Variants in KATNAL1 observed in about 807,000 individuals in gnomAD.
KATNAL1 encodes katanin catalytic subunit A1 like 1, also known as katanin p60 ATPase-containing subunit A-like 1.
In KATNAL1, 32 loss-of-function variants were observed where a neutral mutation model predicts 55.2. The observed-to-expected ratio is 0.58, with a 90% CI of 0.44 to 0.78. The LOEUF (loss-of-function observed/expected upper bound fraction) is 0.78. Ranked by LOEUF, KATNAL1 falls within the 30% of genes least tolerant of loss-of-function variation. The pLI is 0.00. For synonymous variants in KATNAL1, 193 were observed against 193.6 expected (o/e 1.00, Z 0.02); for missense variants, 466 against 600.9 (o/e 0.78, Z 2.35).
chr13:30,275,385 G>T (rs1880766334), intron 3 of KATNAL1, among the ~76,000 whole-genome samples: 1 of 152,186 alleles, frequency 6.6e-6, no homozygotes, highest in Non-Finnish European at 1.5e-5. Context: ...CATTCATGAG[G>T]AATCTGTCCC....
chr13:30,269,427 C>A (rs888349235), intron 3 of KATNAL1, among the ~76,000 whole-genome samples: 1 of 152,226 alleles, frequency 6.6e-6, no homozygotes, highest in Non-Finnish European at 1.5e-5. Context: ...GATCTCGGCT[C>A]GCTACAACCT....
chr13:30,209,029 T>C (rs1303503697), intron 10 of KATNAL1, among the ~76,000 whole-genome samples: 1 of 152,192 alleles, frequency 6.6e-6, no homozygotes, highest in Non-Finnish European at 1.5e-5. Flanking sequence ...CCAAGAAGTT[T>C]AGGAAACTGA....
intron 6 of KATNAL1, among the ~76,000 whole-genome samples, chr13:30,235,506 T>C (rs746007858): frequency 6.6e-6 from 1 of 152,176 alleles, no homozygotes; most frequent in Non-Finnish European, 1.5e-5. Context: ...CACTACCACA[T>C]CAAGAATCAA....
chr13:30,281,631 T>C (rs1283221544), intron 2 of KATNAL1: 1 of 152,188 alleles, frequency 6.6e-6, no homozygotes, highest in African/African-American at 2.4e-5. Flanking sequence ...TAGGAAAACA[T>C]CAATTTCTGA....
chr13:30,261,107 T>G (rs1238906272), intron 3 of KATNAL1, among the ~76,000 whole-genome samples: 1 of 151,974 alleles, frequency 6.6e-6, no homozygotes, highest in Non-Finnish European at 1.5e-5. Context: ...GAATTTCATA[T>G]CCAGCCAAAC....
intron 3 of KATNAL1, among the ~76,000 whole-genome samples, chr13:30,260,504 C>T (rs1331110926): frequency 6.6e-6 from 1 of 152,104 alleles, no homozygotes; most frequent in Non-Finnish European, 1.5e-5. Flanking sequence ...ACTAGAATAA[C>T]CAACACAGAG....
At chr13:30,251,883 T>C (rs978611107) in intron 4 of KATNAL1, among the ~76,000 whole-genome samples, 1 of 152,054 alleles carries the variant, frequency 6.6e-6, no homozygotes, top group East Asian at 1.9e-4. Flanking sequence ...GGGGGGAAAA[T>C]GATAAAGCCT....
At position 30,291,681 on chromosome 13, in the gene KATNAL1, G is replaced by C. The variant is rs1429212222; in HGVS notation, c.-14-7890C>G. On this transcript the variant is annotated intron_variant, in intron 1 of 10. Coordinates refer to ENST00000380615, the MANE Select transcript of KATNAL1 (RefSeq NM_032116.5). ...AGGTGGGGTACTTCTAAGGGGTTGA[G>C]GGGAAAAATGCCTGTTGGGGGTGGA... 2.6e-5 allele frequency among the ~76,000 whole-genome samples: 4 copies of C among 152,274 alleles called. No individual in the cohort carries two copies. The South Asian group carries it at 8.3e-4, about 32-fold the overall frequency.
chr13:30,302,675 A>T (rs1011857692), intron 1 of KATNAL1, among the ~76,000 whole-genome samples: 18 of 152,208 alleles, frequency 1.2e-4, no homozygotes, highest in African/African-American at 4.3e-4. Flanking sequence ...AATAAAATAC[A>T]TTGTTTTTTG....
chr13:30,240,306 A>G (rs1308353515), intron 6 of KATNAL1, among the ~76,000 whole-genome samples, 154 bp downstream of exon 6: 1 of 152,252 alleles, frequency 6.6e-6, no homozygotes, highest in Non-Finnish European at 1.5e-5. Flanking sequence ...AACACATCAC[A>G]ACTACAAATT....
At chr13:30,223,251 A>G (rs576674441) in intron 9 of KATNAL1, among the ~76,000 whole-genome samples, 2 of 151,916 alleles carry the variant, frequency 1.3e-5, no homozygotes, top group Admixed American at 6.5e-5. Flanking sequence ...CATCCTGGCT[A>G]ACACGGTGAA....
At chr13:30,221,891 A>G (rs1047606926) in intron 9 of KATNAL1, among the ~76,000 whole-genome samples, 10 of 152,254 alleles carry the variant, frequency 6.6e-5, no homozygotes, top group Admixed American at 2.0e-4. Context: ...GTCTCTATTA[A>G]AAGTATAAAA....
At position 30,255,563 on chromosome 13, in the gene KATNAL1, C is replaced by G; in HGVS notation, c.376G>C (p.Glu126Gln). The change falls in exon 4 of 11, where the codon GAA (glutamate) becomes CAA (glutamine). Residue 126 changes from glutamate to glutamine, a missense_variant. By Grantham distance (29) the Glu-to-Gln change is conservative (BLOSUM62 2). Transcript: ENST00000380615. Reference protein sequence around the residue: ...PNREVRPLRKEMAGVGARGPV... With the variant: ...PNREVRPLRKQMAGVGARGPV... Reference sequence around the variant, plus strand: ...CCCCGGGCTCCTACTCCTGCCATTTCTTTCCTCAGAGGTCTTACTTCTCGA... The same window carrying G: ...CCCCGGGCTCCTACTCCTGCCATTTGTTTCCTCAGAGGTCTTACTTCTCGA... 1 of 1,579,088 alleles carries G rather than the reference C, an allele frequency of 6.3e-7. No individual in the cohort carries two copies. Among genetic ancestry groups the G allele is most frequent in the Non-Finnish European group, 8.6e-7 (1 of 1,164,354 alleles).
chr13:30,272,484 G>A (rs1880456205), intron 3 of KATNAL1, among the ~76,000 whole-genome samples: 1 of 152,120 alleles, frequency 6.6e-6, no homozygotes, highest in Admixed American at 6.6e-5. Flanking sequence ...CAAGGAAGAG[G>A]GGAGATGACA....
intron 5 of KATNAL1, 23 bp from the exon 6 acceptor site, chr13:30,240,588 CATA>C (rs779566605): frequency 7.3e-6 from 11 of 1,499,756 alleles, no homozygotes; most frequent in Admixed American, 1.7e-5. Context: ...AGCAAACTTT[CATA>C]ATGTTTACTC....
intron 3 of KATNAL1, among the ~76,000 whole-genome samples, chr13:30,279,210 G>GT (rs1881087419): frequency 6.6e-6 from 1 of 152,150 alleles, no homozygotes; most frequent in Admixed American, 6.5e-5. Context: ...GAAACTAATG[G>GT]TGTTAACTCA....
Position 30,241,149 on chromosome 13 carries a change from G to A in KATNAL1, c.493-63C>T, listed in dbSNP as rs542511476. The A allele has an allele frequency of 1.3e-5, 18 of 1,382,590 alleles. No individual in the cohort carries two copies. The East Asian group carries it at 1.6e-4, about 12-fold the overall frequency. 85.6% of individuals were successfully genotyped at this position (1,382,590 alleles called of 1,614,324 possible). A position where few individuals can be genotyped will look rare whatever the true frequency, so the allele number is the denominator to read the frequency against. On this transcript the variant is annotated intron_variant, in intron 4 of 10. Coordinates refer to ENST00000380615, the MANE Select transcript of KATNAL1 (RefSeq NM_032116.5). ...TGGATAATTTAGTTAACATCATTAC[G>A]CTTTGAAAACATTATAATGCCATCA... is the stretch of plus-strand genomic sequence containing the variant.
intron 2 of KATNAL1, among the ~76,000 whole-genome samples, chr13:30,280,594 T>C (rs1174896058): frequency 1.3e-5 from 2 of 152,132 alleles, no homozygotes; most frequent in African/African-American, 4.8e-5. Flanking sequence ...ATAAATAGAT[T>C]CCCAAAAATT....
chr13:30,282,974 A>C (rs1881493099), intron 2 of KATNAL1, among the ~76,000 whole-genome samples: 1 of 145,114 alleles, frequency 6.9e-6, no homozygotes, highest in African/African-American at 2.6e-5. Context: ...AAGAAAAAAA[A>C]AAAAGAAAAA....
Sources: allele counts gnomAD v4.1 joint callset (sites outside exome capture counted in the v4.1 genomes callset), GRCh38; gene constraint gnomAD v4.1.1; transcripts MANE v1.5; gene names NCBI Gene and HGNC (gene_info 2026-07-23, HGNC 2026-07-21).